Variants in KCNN2 observed in about 807,000 individuals in gnomAD.
The protein encoded by KCNN2 is small conductance calcium-activated potassium channel protein 2.
In KCNN2, 24 loss-of-function variants were observed where a neutral mutation model predicts 55.5. That is an observed-to-expected ratio of 0.43 (90% CI 0.31 to 0.61). The LOEUF (loss-of-function observed/expected upper bound fraction) is 0.61. Among genes scored for constraint, KCNN2 ranks in the 20% least tolerant of loss-of-function variants. KCNN2 has a pLI of 0.08. For missense variants in KCNN2, 754 were observed against 853.6 expected, an observed-to-expected ratio of 0.88 and a Z score of 1.45; for synonymous variants, 431 against 336.1, an observed-to-expected ratio of 1.28 and a Z score of -3.09.
chr5:114,129,647 C>G (rs191217123), intron 1 of KCNN2, among the ~76,000 whole-genome samples: 2 of 152,120 alleles, frequency 1.3e-5, no homozygotes, highest in Non-Finnish European at 2.9e-5. Flanking sequence ...GTATTGGGAA[C>G]AGGATTGGAC....
At chr5:114,284,449 A>AT (rs1196469906) in intron 2 of KCNN2, among the ~76,000 whole-genome samples, 3 of 151,978 alleles carry the variant, frequency 2.0e-5, no homozygotes, top group Non-Finnish European at 2.9e-5. Flanking sequence ...TATGTCTGTA[A>AT]TTTTTCATTG....
At chr5:114,439,100 T>G (rs1197414903) in intron 3 of KCNN2, among the ~76,000 whole-genome samples, 3 of 152,192 alleles carry the variant, frequency 2.0e-5, no homozygotes, top group African/African-American at 7.2e-5. Flanking sequence ...AGACTTGATA[T>G]TCTCATAACC....
At chr5:114,493,204 C>G in intron 6 of KCNN2, 199 bp from the exon 7 acceptor site, 2 of 663,674 alleles carry the variant, frequency 3.0e-6, no homozygotes, top group East Asian at 2.8e-5. Flanking sequence ...TGCTCTCACT[C>G]TCTCCTTTCT....
At chr5:114,433,061 G>C (rs1019943167) in intron 3 of KCNN2, among the ~76,000 whole-genome samples, 2 of 152,206 alleles carry the variant, frequency 1.3e-5, no homozygotes, top group African/African-American at 4.8e-5. Flanking sequence ...GGGCTGAGTA[G>C]TGCGGGCGCA....
chr5:114,201,038 C>G (rs1287833798), intron 1 of KCNN2, among the ~76,000 whole-genome samples: 1 of 151,696 alleles, frequency 6.6e-6, no homozygotes, highest in Admixed American at 6.6e-5. Context: ...AGTGGTGGAC[C>G]CTGTGTGTGA....
At chr5:114,244,740 C>G (rs1754717951) in intron 2 of KCNN2, among the ~76,000 whole-genome samples, 1 of 152,116 alleles carries the variant, frequency 6.6e-6, no homozygotes, top group African/African-American at 2.4e-5. Flanking sequence ...AGGACAGTAG[C>G]AGCTTCCTGG....
At chr5:114,454,185 T>C (rs2150107598) in intron 3 of KCNN2, among the ~76,000 whole-genome samples, 1 of 152,312 alleles carries the variant, frequency 6.6e-6, no homozygotes, top group East Asian at 1.9e-4. Flanking sequence ...GTAAAGTTTT[T>C]ATTTAGCCTT....
chr5:114,178,208 A>T (rs1398608715), intron 1 of KCNN2, among the ~76,000 whole-genome samples: 1 of 152,196 alleles, frequency 6.6e-6, no homozygotes, highest in Non-Finnish European at 1.5e-5. Context: ...CTGCATGTGT[A>T]TTCTGACTTC....
chr5:114,279,419 T>G (rs1279031264), intron 2 of KCNN2, among the ~76,000 whole-genome samples: 1 of 152,164 alleles, frequency 6.6e-6, no homozygotes, highest in Admixed American at 6.5e-5. Context: ...TGATTTACAT[T>G]AGGTATATCT....
intron 1 of KCNN2, among the ~76,000 whole-genome samples, chr5:114,144,338 G>C (rs916692538): frequency 2.6e-5 from 4 of 152,094 alleles, no homozygotes; most frequent in African/African-American, 7.2e-5. Flanking sequence ...ACCTGACTGA[G>C]AATTCCACAT....
intron 2 of KCNN2, among the ~76,000 whole-genome samples, chr5:114,282,120 G>C (rs1194018223): frequency 1.3e-5 from 2 of 151,902 alleles, no homozygotes; most frequent in Non-Finnish European, 2.9e-5. Flanking sequence ...CAGAGTTTTA[G>C]TACTGTATCA....
rs557707319 is a variant in KCNN2 at position 114,071,412 on chromosome 5, A to G, written c.-271+14912A>G. On this transcript the variant is annotated intron_variant, in intron 1 of 10. Coordinates refer to the KCNN2 transcript ENST00000512097. Reference sequence around the variant, plus strand: ...TCATTTTCACTTTGAAATTTTGTGAAGACATGCCTGTTTGAAAAAACTTAG... The same window carrying G: ...TCATTTTCACTTTGAAATTTTGTGAGGACATGCCTGTTTGAAAAAACTTAG... Among the ~76,000 whole-genome samples, 330 of 152,318 alleles carry G rather than the reference A, an allele frequency of 2.2e-3. 1 individual carries two copies. The highest frequency in any genetic ancestry group is 7.7e-3 in the African/African-American group (322 of 41,578).
At chr5:114,468,628 C>CTTTAAGCCTAGAATATTTTGAACATTAG (rs1761563731) in intron 4 of KCNN2, among the ~76,000 whole-genome samples, 1 of 152,130 alleles carries the variant, frequency 6.6e-6, no homozygotes, top group African/African-American at 2.4e-5. Flanking sequence ...CAGGAGGATA[C>CTTTAAGCCTAGAATATTTTGAACATTAG]TTTAAGCCTA....
chr5:114,444,833 A>G (rs894768677), intron 3 of KCNN2, among the ~76,000 whole-genome samples: 1 of 152,134 alleles, frequency 6.6e-6, no homozygotes, highest in Admixed American at 6.5e-5. Flanking sequence ...GGATTGGACA[A>G]AGCTGAAGAA....
chr5:114,134,096 T>G (rs1369122824), intron 1 of KCNN2, among the ~76,000 whole-genome samples: 1 of 152,070 alleles, frequency 6.6e-6, no homozygotes, highest in Non-Finnish European at 1.5e-5. Flanking sequence ...AAATTTATCT[T>G]GAGATATTAT....
intron 2 of KCNN2, among the ~76,000 whole-genome samples, chr5:114,241,170 A>G (rs1268352464): frequency 2.6e-5 from 4 of 151,898 alleles, no homozygotes; most frequent in African/African-American, 4.8e-5. Flanking sequence ...AGAAGACTCA[A>G]ACAGTAAATG....
chr5:114,486,716 GACA>G (rs1318886127), intron 5 of KCNN2: 73 of 1,288,884 alleles, frequency 5.7e-5, no homozygotes, highest in Non-Finnish European at 6.8e-5. Flanking sequence ...AGATCATGGA[GACA>G]ACAATTGCAA....
intron 1 of KCNN2, among the ~76,000 whole-genome samples, chr5:114,194,345 C>T (rs1241784621): frequency 6.6e-6 from 1 of 152,074 alleles, no homozygotes; most frequent in East Asian, 1.9e-4. Context: ...AATTTCTCCA[C>T]ATTTTGCCTA....
chr5:114,442,200 A>T (rs1483422880), intron 3 of KCNN2, among the ~76,000 whole-genome samples: 2 of 151,756 alleles, frequency 1.3e-5, no homozygotes, highest in East Asian at 3.9e-4. Context: ...GGGAAGAGAC[A>T]TCCCTCTCAG....
Sources: allele counts gnomAD v4.1 joint callset (sites outside exome capture counted in the v4.1 genomes callset), GRCh38; gene constraint gnomAD v4.1.1; transcripts MANE v1.5; gene names NCBI Gene and HGNC (gene_info 2026-07-23, HGNC 2026-07-21).